The following PCDH15 variants were observed in gnomAD, a reference collection of about 807,000 sequenced individuals.
PCDH15 encodes protocadherin related 15, also known as protocadherin-15.
PCDH15 carries 129 observed loss-of-function variants against 178.5 expected under a neutral mutation model. The observed-to-expected ratio is 0.72, with a 90% confidence interval of 0.63 to 0.84. The LOEUF is 0.84. Among genes scored for constraint, PCDH15 ranks in the 40% least tolerant of loss-of-function variants. The pLI is 0.00. For missense variants in PCDH15, 2,230 were observed against 2,099.9 expected, an observed-to-expected ratio of 1.06 and a Z score of -1.21; for synonymous variants, 800 against 732.0, an observed-to-expected ratio of 1.09 and a Z score of -1.50.
chr10:55,601,114 G>A (rs1843066877), intron 2 of PCDH15, among the ~76,000 whole-genome samples: 1 of 152,030 alleles, frequency 6.6e-6, no homozygotes, highest in African/African-American at 2.4e-5. Flanking sequence ...GAACCTCACA[G>A]AGGAATTACA....
intron 25 of PCDH15, among the ~76,000 whole-genome samples, chr10:53,904,245 C>T (rs2610922): frequency 0.1 from 15,891 of 151,978 alleles, 931 homozygotes; most frequent in African/African-American, 0.15. Flanking sequence ...TTACATAAGT[C>T]GACTTTTCTG....
At chr10:54,644,596 C>G (rs1313906145) in intron 2 of PCDH15, among the ~76,000 whole-genome samples, 3 of 151,992 alleles carry the variant, frequency 2.0e-5, no homozygotes, top group Non-Finnish European at 1.5e-5. Flanking sequence ...CTTAGCAATT[C>G]CATCATTGGC....
chr10:54,888,608 A>G (rs1954403731), intron 3 of PCDH15, among the ~76,000 whole-genome samples: 1 of 151,894 alleles, frequency 6.6e-6, no homozygotes, highest in South Asian at 2.1e-4. Context: ...TGATTTTAAG[A>G]AACTGCCAAG....
chr10:54,962,330 G>C (rs550114327), intron 2 of PCDH15, among the ~76,000 whole-genome samples: 1 of 152,196 alleles, frequency 6.6e-6, no homozygotes, highest in Admixed American at 6.5e-5. Flanking sequence ...TGGTGGGACT[G>C]GACCAGCCCA....
chr10:55,010,879 C>T (rs1401274821), intron 2 of PCDH15, among the ~76,000 whole-genome samples: 1 of 152,030 alleles, frequency 6.6e-6, no homozygotes, highest in East Asian at 1.9e-4. Context: ...TTCTCTTTTT[C>T]AGGCTGTTAG....
At chr10:53,945,463 CATTGTTGTCAACTAT>C (rs59456763) in intron 23 of PCDH15, among the ~76,000 whole-genome samples, 102,104 of 151,916 alleles carry the variant, frequency 0.67, 34,801 homozygotes, top group East Asian at 0.87. Context: ...CAATATTGTA[CATTGTTGTCAACTAT>C]GGTCACCATG....
At chr10:53,969,487 A>C (rs1259463255) in intron 21 of PCDH15, among the ~76,000 whole-genome samples, 1 of 152,176 alleles carries the variant, frequency 6.6e-6, no homozygotes, top group African/African-American at 2.4e-5. Flanking sequence ...GCCAACATTC[A>C]AATTCAGGAA....
chr10:54,343,984 A>G (rs1235998575), intron 6 of PCDH15, among the ~76,000 whole-genome samples: 3 of 152,118 alleles, frequency 2.0e-5, no homozygotes, highest in Non-Finnish European at 4.4e-5. Flanking sequence ...GTGCCACACT[A>G]TGGTGCTATT....
At chr10:54,221,064 G>A (rs1272134111) in intron 9 of PCDH15, among the ~76,000 whole-genome samples, 1 of 152,010 alleles carries the variant, frequency 6.6e-6, no homozygotes, top group African/African-American at 2.4e-5. Context: ...GAGGTTGTGG[G>A]CACCTGTAGT....
intron 2 of PCDH15, among the ~76,000 whole-genome samples, chr10:54,908,610 A>T (rs1564621686): frequency 6.6e-6 from 1 of 152,200 alleles, no homozygotes; most frequent in Non-Finnish European, 1.5e-5. Flanking sequence ...CCTTGTCCAG[A>T]GTTCTTGTCC....
At chr10:54,129,661 G>C (rs955255192) in intron 15 of PCDH15, among the ~76,000 whole-genome samples, 9 of 152,178 alleles carry the variant, frequency 5.9e-5, no homozygotes, top group Non-Finnish European at 8.8e-5. Flanking sequence ...GCCACACTAA[G>C]TGTTAATTAT....
At position 54,655,248 on chromosome 10, in the gene PCDH15, AAGAAAGAAAGAGAGAG is replaced by A. The variant is rs1228157761; in HGVS notation, c.91+8908_91+8923del. ...AGGAAGGGAGGAAGGGAAAGAAAGA[AAGAAAGAAAGAGAGAG>A]AGAGAGAGAGAGAGAGAGAGAGAGA... On this transcript the variant is annotated intron_variant, in intron 2 of 37. Coordinates refer to ENST00000644397, the MANE Select transcript of PCDH15 (RefSeq NM_001384140.1). Among the ~76,000 whole-genome samples, 15 of 65,668 alleles carry A rather than the reference AAGAAAGAAAGAGAGAG, an allele frequency of 2.3e-4. 1 individual carries two copies. Among genetic ancestry groups the A allele is most frequent in the African/African-American group, 5.4e-4 (9 of 16,806 alleles). The allele number at this position is 65,668 out of a possible 152,430, so 43.1% of individuals were successfully genotyped here. A position where few individuals can be genotyped will look rare whatever the true frequency, so the allele number is the denominator to read the frequency against.
At chr10:55,482,589 T>C (rs1469256045) in intron 2 of PCDH15, among the ~76,000 whole-genome samples, 2 of 151,842 alleles carry the variant, frequency 1.3e-5, no homozygotes, top group African/African-American at 4.8e-5. Flanking sequence ...TTAGTTTGGC[T>C]GAATATGAAG....
intron 2 of PCDH15, among the ~76,000 whole-genome samples, chr10:55,518,760 T>C (rs1589103509): frequency 6.6e-6 from 1 of 151,684 alleles, no homozygotes; most frequent in South Asian, 2.1e-4. Flanking sequence ...ACAGAAGCAG[T>C]CCAAGCCTCT....
chr10:54,769,062 G>A (rs145938177), intron 1 of PCDH15, among the ~76,000 whole-genome samples: 1 of 152,248 alleles, frequency 6.6e-6, no homozygotes, highest in East Asian at 1.9e-4. Flanking sequence ...TCATTCAAAT[G>A]ATTTAAAACA....
At chr10:54,565,657 G>T (rs1467526701) in intron 2 of PCDH15, among the ~76,000 whole-genome samples, 1 of 152,160 alleles carries the variant, frequency 6.6e-6, no homozygotes, top group East Asian at 1.9e-4. Flanking sequence ...CTTGTTTGGG[G>T]TGGTATTTAC....
At chr10:54,832,724 G>A (rs941446795) in intron 3 of PCDH15, among the ~76,000 whole-genome samples, 1 of 152,166 alleles carries the variant, frequency 6.6e-6, no homozygotes, top group African/African-American at 2.4e-5. Context: ...ATGGAAAAAT[G>A]AGGACCCTTT....
intron 33 of PCDH15, among the ~76,000 whole-genome samples, chr10:53,819,624 A>G (rs1047678045): frequency 1.3e-5 from 2 of 151,966 alleles, no homozygotes; most frequent in Non-Finnish European, 2.9e-5. Flanking sequence ...ATCTTTCTTA[A>G]GTCTTTATTT....
At chr10:55,058,567 C>T (rs947215202) in intron 2 of PCDH15, among the ~76,000 whole-genome samples, 2 of 152,070 alleles carry the variant, frequency 1.3e-5, no homozygotes, top group Non-Finnish European at 2.9e-5. Context: ...TTTGTTCTAA[C>T]GTGTACCGTG....
Sources: gnomAD v4.1 joint callset for allele counts (sites outside exome capture counted in the v4.1 genomes callset) on GRCh38, gnomAD v4.1.1 for gene constraint, MANE v1.5 for transcripts, NCBI Gene and HGNC (gene_info 2026-07-23, HGNC 2026-07-21) for gene names.